The following INSL6 variants were observed in gnomAD, a reference collection of about 807,000 sequenced individuals.
The protein encoded by INSL6 is insulin like 6.
INSL6 carries 16 observed loss-of-function variants against 9.4 expected under a neutral mutation model. The ratio of observed to expected loss-of-function variants is 1.70; its 90% CI spans 1.15 to 2.59. INSL6 has a LOEUF of 2.59. Ranked by LOEUF, INSL6 falls within the 30% of genes most tolerant of loss-of-function variation. The pLI is 0.00. For missense variants in INSL6, 391 were observed against 257.3 expected, an observed-to-expected ratio of 1.52 and a Z score of -3.56; for synonymous variants, 154 against 96.9, an observed-to-expected ratio of 1.59 and a Z score of -3.46.
At chr9:5,078,552 G>C in the INSL6 span, 2 of 778,170 alleles carry the variant, frequency 2.6e-6, no homozygotes, top group African/African-American at 1.8e-5. Context: ...GTATGTTCCT[G>C]ATTAATAATA....
chr9:5,161,539 TC>T (rs1308803257), downstream of INSL6, among the ~76,000 whole-genome samples: 1 of 152,152 alleles, frequency 6.6e-6, no homozygotes, highest in Non-Finnish European at 1.5e-5. Flanking sequence ...GACAAGGTTG[TC>T]CCCTTTCACT....
chr9:5,013,819 A>C, the INSL6 span, among the ~76,000 whole-genome samples: 2 of 152,278 alleles, frequency 1.3e-5, no homozygotes, highest in South Asian at 4.1e-4. Context: ...AATTTACTAT[A>C]AATCATAGAT....
the INSL6 span, among the ~76,000 whole-genome samples, chr9:5,042,327 C>CG: frequency 2.0e-5 from 3 of 151,002 alleles, no homozygotes; most frequent in African/African-American, 7.3e-5. Flanking sequence ...TTAGTAGAGA[C>CG]GGGGTTTCAC....
intron 3 of INSL6, among the ~76,000 whole-genome samples, chr9:5,129,639 CAATT>C (rs1442417605): frequency 2.6e-5 from 4 of 152,036 alleles, no homozygotes; most frequent in South Asian, 2.1e-4. Context: ...AAGAAAAAAA[CAATT>C]AAAGTATGAA....
the INSL6 span, among the ~76,000 whole-genome samples, chr9:5,011,396 C>T: frequency 2.6e-5 from 4 of 152,086 alleles, no homozygotes; most frequent in Admixed American, 2.6e-4. Flanking sequence ...TGCTATGTTG[C>T]CAGGGCTAGT....
chr9:5,094,950 C>A, the INSL6 span: 1 of 152,166 alleles, frequency 6.6e-6, no homozygotes, highest in African/African-American at 2.4e-5. Context: ...AAATTTCCTA[C>A]CACTTACATT....
the INSL6 span, among the ~76,000 whole-genome samples, chr9:5,117,067 A>T: frequency 6.6e-6 from 1 of 152,298 alleles, no homozygotes; most frequent in African/African-American, 2.4e-5. Context: ...ACTTTCATCC[A>T]TGTGAGGACA....
chr9:5,050,744 A>G, the INSL6 span: 1 of 1,613,710 alleles, frequency 6.2e-7, no homozygotes, highest in Non-Finnish European at 8.5e-7. Context: ...GAAACACAGG[A>G]AGAATGTCTT....
At chr9:5,066,594 G>C in the INSL6 span, 1 of 768,476 alleles carries the variant, frequency 1.3e-6, no homozygotes, top group East Asian at 2.6e-5. Flanking sequence ...TTTTAGATTT[G>C]ACTTTTGATT....
At chr9:5,179,212 G>C (rs1250837250) in intron 1 of INSL6, among the ~76,000 whole-genome samples, 1 of 152,130 alleles carries the variant, frequency 6.6e-6, no homozygotes, top group Admixed American at 6.5e-5. Context: ...GACATGAACA[G>C]AGAGTTCTCA....
chr9:5,141,081 G>A (rs1586858690), intron 2 of INSL6, among the ~76,000 whole-genome samples: 1 of 152,118 alleles, frequency 6.6e-6, no homozygotes, highest in South Asian at 2.1e-4. Context: ...TGGTGTATAT[G>A]TACCACATTT....
chr9:5,023,024 A>C, the INSL6 span, among the ~76,000 whole-genome samples: 1 of 152,206 alleles, frequency 6.6e-6, no homozygotes, highest in African/African-American at 2.4e-5. Context: ...GTACATTTCA[A>C]GTTCCTTCTA....
At chr9:5,086,934 C>G in the INSL6 span, among the ~76,000 whole-genome samples, 2 of 152,162 alleles carry the variant, frequency 1.3e-5, no homozygotes, top group African/African-American at 4.8e-5. Context: ...ATCACCCCCC[C>G]TTCCCTTGAT....
chr9:5,110,608 T>C, the INSL6 span: 6 of 190,288 alleles, frequency 3.2e-5, no homozygotes, highest in Middle Eastern at 4.3e-3. Context: ...CTTACAGATA[T>C]GCCTTTCTTC....
At chr9:5,072,453 T>C in the INSL6 span, 5 of 1,469,278 alleles carry the variant, frequency 3.4e-6, no homozygotes, top group Non-Finnish European at 4.6e-6. Context: ...TCGTTCTCCA[T>C]CTTTACTCAT....
At chr9:5,108,216 T>C in the INSL6 span, 3 of 152,166 alleles carry the variant, frequency 2.0e-5, no homozygotes, top group Non-Finnish European at 2.9e-5. Context: ...TCTATATTGA[T>C]TTCCCTGCAG....
the INSL6 span, chr9:5,069,832 T>C: frequency 1.5e-6 from 1 of 682,358 alleles, no homozygotes; most frequent in Non-Finnish European, 2.2e-6. Flanking sequence ...AAGCATTTCT[T>C]ATACGTAGAA....
chr9:5,045,736 T>C, the INSL6 span, among the ~76,000 whole-genome samples: 2 of 152,198 alleles, frequency 1.3e-5, no homozygotes, highest in Non-Finnish European at 2.9e-5. Context: ...TGTTGTAGCA[T>C]GTGCCAGAAT....
chr9:5,074,117 T>C, the INSL6 span, among the ~76,000 whole-genome samples: 6 of 152,140 alleles, frequency 3.9e-5, no homozygotes, highest in African/African-American at 1.4e-4. Flanking sequence ...CAGTACAAAC[T>C]TATCTGGAAT....
Sources: allele counts gnomAD v4.1 joint callset (sites outside exome capture counted in the v4.1 genomes callset), GRCh38; gene constraint gnomAD v4.1.1; transcripts MANE v1.5; gene names NCBI Gene and HGNC (gene_info 2026-07-23, HGNC 2026-07-21).